ADAMTSL1: variants seen among roughly 807,000 people sequenced by gnomAD.
ADAMTSL1 encodes ADAMTS like 1, also known as ADAMTS-like protein 1.
A neutral mutation model predicts 201.8 loss-of-function variants in ADAMTSL1; 126 were observed. The ratio of observed to expected loss-of-function variants is 0.62; its 90% CI spans 0.54 to 0.72. The LOEUF (loss-of-function observed/expected upper bound fraction) is 0.72. Among genes scored for constraint, ADAMTSL1 ranks in the 30% least tolerant of loss-of-function variants. The pLI, the probability that ADAMTSL1 is intolerant of heterozygous loss-of-function variation, is 0.00. For missense variants in ADAMTSL1, 2,679 were observed against 2,277.8 expected (o/e 1.18, Z -3.59); for synonymous variants, 1,121 against 903.4 (o/e 1.24, Z -4.32).
intron 16 of ADAMTSL1, among the ~76,000 whole-genome samples, chr9:18,756,622 C>G (rs1192114714): frequency 3.3e-5 from 5 of 152,210 alleles, no homozygotes; most frequent in African/African-American, 1.2e-4. Context: ...TGTACACTCA[C>G]CTGGTCTTTT....
chr9:18,507,833 C>T (rs2131949887), intron 2 of ADAMTSL1, among the ~76,000 whole-genome samples: 1 of 152,266 alleles, frequency 6.6e-6, no homozygotes. Context: ...TTTGTGGATA[C>T]TAGTCAGACC....
chr9:18,701,390 C>A (rs1276431786), intron 13 of ADAMTSL1, among the ~76,000 whole-genome samples: 1 of 151,762 alleles, frequency 6.6e-6, no homozygotes, highest in African/African-American at 2.4e-5. Flanking sequence ...TGGCCAATTT[C>A]TGTATTTTTA....
chr9:18,119,531 G>T lies in ADAMTSL1; in HGVS notation c.88-44331G>T, dbSNP rs564996511. ...TTGGCCAGACTGGTCTCAAACTCCT[G>T]ACCTCAGGTGATCCGCCCAGCTTGG... On this transcript the variant is annotated intron_variant, in intron 1 of 29. Coordinates refer to the ADAMTSL1 transcript ENST00000680146. Among the ~76,000 whole-genome samples the T allele has an allele frequency of 2.6e-5, 4 of 152,144 alleles. No individual in the cohort carries two copies. The South Asian group carries it at 8.3e-4, about 32-fold the overall frequency.
chr9:18,206,273 A>G (rs569605634), intron 2 of ADAMTSL1, among the ~76,000 whole-genome samples: 88 of 151,988 alleles, frequency 5.8e-4, no homozygotes, highest in Admixed American at 1.6e-3. Context: ...CTTTGATTTG[A>G]GGAATTTGCC....
At chr9:18,055,148 C>T (rs1343254338) in intron 1 of ADAMTSL1, among the ~76,000 whole-genome samples, 1 of 152,174 alleles carries the variant, frequency 6.6e-6, no homozygotes, top group Non-Finnish European at 1.5e-5. Flanking sequence ...AATTACAGCA[C>T]TTGGTATCTT....
intron 3 of ADAMTSL1, among the ~76,000 whole-genome samples, chr9:18,548,217 G>A (rs1564035975): frequency 6.6e-6 from 1 of 152,052 alleles, no homozygotes; most frequent in Non-Finnish European, 1.5e-5. Context: ...TTGAGTCGCT[G>A]AATGAACATG....
At chr9:18,495,325 T>C (rs766413274) in intron 1 of ADAMTSL1, among the ~76,000 whole-genome samples, 2 of 152,188 alleles carry the variant, frequency 1.3e-5, no homozygotes, top group Non-Finnish European at 2.9e-5. Context: ...GGCAGAGGGC[T>C]ATGAGGTAGG....
chr9:18,295,668 T>C (rs1376371874), intron 2 of ADAMTSL1, among the ~76,000 whole-genome samples: 1 of 152,190 alleles, frequency 6.6e-6, no homozygotes, highest in Non-Finnish European at 1.5e-5. Flanking sequence ...CTTTTGTGTC[T>C]TCATTCCCTT....
chr9:17,927,538 T>A (rs1047169323), intron 1 of ADAMTSL1, among the ~76,000 whole-genome samples: 1 of 151,964 alleles, frequency 6.6e-6, no homozygotes, highest in African/African-American at 2.4e-5. Flanking sequence ...GGGACCTGCA[T>A]CTGTGAATTC....
At chr9:18,506,232 C>T (rs1198001080) in intron 2 of ADAMTSL1, among the ~76,000 whole-genome samples, 1 of 152,204 alleles carries the variant, frequency 6.6e-6, no homozygotes, top group African/African-American at 2.4e-5. Context: ...GATTCACCTG[C>T]TCTCTTAATC....
intron 1 of ADAMTSL1, among the ~76,000 whole-genome samples, chr9:18,005,095 A>C (rs535446975): frequency 6.3e-4 from 96 of 152,244 alleles, no homozygotes; most frequent in South Asian, 3.1e-3. Flanking sequence ...ACGGTAGCTT[A>C]CGCTATAATG....
chr9:18,776,783 C>A lies in ADAMTSL1; in HGVS notation c.2554C>A (p.Pro852Thr), dbSNP rs781460678. The change falls in exon 19 of 29, where the codon CCC (proline) becomes ACC (threonine). Residue 852 changes from proline to threonine, a missense_variant and splice_region_variant. Coordinates refer to ENST00000380548, the MANE Select transcript of ADAMTSL1 (RefSeq NM_001040272.6). ...CTTCGGGTTCGCTCTCCTTCCAGGG[C>A]CCGGGCGGCCATCCACGAAGCACAG... The part of the protein sequence containing the change: ...RPCMLATCAR[P>T]GRPSTKHSPH... 6.5e-7 allele frequency: 1 copy of A among 1,545,390 alleles called. No homozygotes were observed. The highest frequency in any genetic ancestry group is 8.7e-7 in the Non-Finnish European group (1 of 1,146,190).
chr9:18,665,984 C>T (rs1470018476), intron 9 of ADAMTSL1, among the ~76,000 whole-genome samples: 2 of 152,118 alleles, frequency 1.3e-5, no homozygotes, highest in Non-Finnish European at 2.9e-5. Flanking sequence ...GTCTATAGCT[C>T]ATAACATAAT....
chr9:18,626,869 G>T (rs13302220), intron 5 of ADAMTSL1, among the ~76,000 whole-genome samples: 21,485 of 105,642 alleles, frequency 0.2, 1,715 homozygotes, highest in Admixed American at 0.27. Flanking sequence ...CTTTCTTTCT[G>T]TCTTTCTTCC....
At chr9:18,255,474 C>G (rs1029646506) in intron 2 of ADAMTSL1, among the ~76,000 whole-genome samples, 2 of 152,132 alleles carry the variant, frequency 1.3e-5, no homozygotes, top group African/African-American at 4.8e-5. Context: ...AGGCTGTACT[C>G]CTGTGACCAG....
At chr9:18,738,124 A>C (rs866384151) in intron 15 of ADAMTSL1, among the ~76,000 whole-genome samples, 2 of 152,210 alleles carry the variant, frequency 1.3e-5, no homozygotes, top group Middle Eastern at 6.3e-3. Flanking sequence ...CTAAAAATGC[A>C]CTAAGAGCTG....
At position 18,626,828 on chromosome 9, in the gene ADAMTSL1, TCTTA is replaced by T. The variant is rs1367526454; in HGVS notation, c.601+4463_601+4466del. On this transcript the variant is annotated intron_variant, in intron 5 of 28. Coordinates refer to ENST00000380548, the MANE Select transcript of ADAMTSL1 (RefSeq NM_001040272.6). ...TATTTTCTTTCTTTCTTTCTTTCTT[TCTTA>T]CTTTCTTTTTCTTTCTTTCTTTCTT... Among the ~76,000 whole-genome samples the T allele has an allele frequency of 2.2e-3, 309 of 142,060 alleles. 1 individual carries two copies. The highest frequency in any genetic ancestry group is 7.9e-3 in the Admixed American group (106 of 13,482). The allele number at this position is 142,060 out of a possible 152,430, so 93.2% of individuals were successfully genotyped here. A position where few individuals can be genotyped will look rare whatever the true frequency, so the allele number is the denominator to read the frequency against.
At chr9:18,360,326 C>A (rs1359150024) in intron 2 of ADAMTSL1, among the ~76,000 whole-genome samples, 1 of 152,156 alleles carries the variant, frequency 6.6e-6, no homozygotes, top group Non-Finnish European at 1.5e-5. Context: ...GGGAAACAGA[C>A]AACCTAGGAG....
intron 2 of ADAMTSL1, among the ~76,000 whole-genome samples, chr9:18,359,623 A>G (rs2133070155): frequency 6.6e-6 from 1 of 152,300 alleles, no homozygotes; most frequent in East Asian, 1.9e-4. Flanking sequence ...CCCATTAAGG[A>G]AATGACTGCT....
Sources: gnomAD v4.1 joint callset for allele counts (sites outside exome capture counted in the v4.1 genomes callset) on GRCh38, gnomAD v4.1.1 for gene constraint, MANE v1.5 for transcripts, NCBI Gene and HGNC (gene_info 2026-07-23, HGNC 2026-07-21) for gene names.